Variants in RIMS2 observed in about 807,000 individuals in gnomAD.
RIMS2 encodes the protein regulating synaptic membrane exocytosis protein 2.
In RIMS2, 59 loss-of-function variants were observed where a neutral mutation model predicts 174.4. That is an observed-to-expected ratio of 0.34 (90% CI 0.27 to 0.42). The LOEUF (loss-of-function observed/expected upper bound fraction) is 0.42, where lower values mean the gene tolerates loss of function less well. Among genes scored for constraint, RIMS2 ranks in the 10% least tolerant of loss-of-function variants. RIMS2 has a pLI of 1.00. For missense variants in RIMS2, 1,620 were observed against 1,666.3 expected (o/e 0.97, Z 0.48); for synonymous variants, 606 against 572.5 (o/e 1.06, Z -0.84).
intron 2 of RIMS2, among the ~76,000 whole-genome samples, chr8:103,718,686 A>G (rs1378739898): frequency 3.3e-5 from 5 of 150,310 alleles, no homozygotes; most frequent in African/African-American, 1.2e-4. Context: ...GTGGGGAGGG[A>G]GGAGTCTCAC....
chr8:103,529,888 G>T (rs1836171878), intron 1 of RIMS2, among the ~76,000 whole-genome samples: 1 of 152,002 alleles, frequency 6.6e-6, no homozygotes, highest in African/African-American at 2.4e-5. Context: ...AAAATATTTT[G>T]ATCTGTGGTT....
chr8:104,000,622 A>G (rs984702723), intron 17 of RIMS2, among the ~76,000 whole-genome samples: 11 of 151,828 alleles, frequency 7.2e-5, no homozygotes, highest in Non-Finnish European at 1.2e-4. Context: ...TTAGATTTTT[A>G]GGAACCTCCA....
chr8:103,562,352 C>T (rs1382704970), intron 1 of RIMS2, among the ~76,000 whole-genome samples: 7 of 152,182 alleles, frequency 4.6e-5, no homozygotes, highest in African/African-American at 1.7e-4. Context: ...TACAGCTGTT[C>T]CAAATGGGAG....
chr8:103,937,052 C>A (rs1045752380), intron 13 of RIMS2, among the ~76,000 whole-genome samples: 2 of 151,442 alleles, frequency 1.3e-5, no homozygotes, highest in African/African-American at 2.4e-5. Flanking sequence ...GAGCCGAGAT[C>A]GCGCCACTGC....
rs113560775 is a variant in RIMS2 at position 104,152,027 on chromosome 8, G to A, written c.3335-92889G>A. On this transcript the variant is annotated intron_variant, in intron 19 of 23. Coordinates refer to ENST00000504942, the Ensembl canonical transcript of RIMS2. ...TCAATTTCATGTCTTTACATGTTTGGCACAACTGTCCCATATATCTTTCTT... is the reference window on the plus strand; with the variant it reads ...TCAATTTCATGTCTTTACATGTTTGACACAACTGTCCCATATATCTTTCTT... 4.6e-3 allele frequency among the ~76,000 whole-genome samples: 705 copies of A among 152,184 alleles called. 6 individuals are homozygous for A. The highest frequency in any genetic ancestry group is 0.015 in the African/African-American group (634 of 41,552).
intron 1 of RIMS2, among the ~76,000 whole-genome samples, chr8:103,587,745 G>A (rs1440103134): frequency 6.6e-6 from 1 of 151,940 alleles, no homozygotes; most frequent in Non-Finnish European, 1.5e-5. Flanking sequence ...AACTGGGGAT[G>A]GAAGGAGCAT....
chr8:103,970,347 C>T (rs1022790721), intron 15 of RIMS2, among the ~76,000 whole-genome samples: 9 of 152,134 alleles, frequency 5.9e-5, no homozygotes, highest in Non-Finnish European at 1.3e-4. Context: ...TTTCCCTTCT[C>T]CCAGATTGGT....
chr8:104,111,898 ACT>A (rs1247014333), intron 19 of RIMS2, among the ~76,000 whole-genome samples: 1 of 151,340 alleles, frequency 6.6e-6, no homozygotes, highest in African/African-American at 2.4e-5. Flanking sequence ...TGCTTAGAAG[ACT>A]CTCTCCCAGT....
At chr8:103,535,732 G>A (rs1014030274) in intron 1 of RIMS2, among the ~76,000 whole-genome samples, 2 of 152,192 alleles carry the variant, frequency 1.3e-5, no homozygotes, top group Non-Finnish European at 1.5e-5. Flanking sequence ...GATAAGTAGA[G>A]CTCAACTTTA....
intron 19 of RIMS2, among the ~76,000 whole-genome samples, chr8:104,023,720 C>G (rs1474421585): frequency 6.6e-6 from 1 of 152,050 alleles, no homozygotes; most frequent in Non-Finnish European, 1.5e-5. Flanking sequence ...TGGACTGTAG[C>G]TATAAATCTG....
chr8:103,826,145 A>C (rs979874816), intron 3 of RIMS2, among the ~76,000 whole-genome samples: 5 of 152,146 alleles, frequency 3.3e-5, no homozygotes, highest in African/African-American at 1.2e-4. Flanking sequence ...TTATATATAT[A>C]AAATGTATGT....
intron 1 of RIMS2, among the ~76,000 whole-genome samples, chr8:103,632,670 C>T (rs2095961118): frequency 6.6e-6 from 1 of 150,822 alleles, no homozygotes; most frequent in African/African-American, 2.4e-5. Context: ...ACCTGCCCAC[C>T]TTGGCCTCCC....
chr8:103,730,189 G>C (rs1304685707), intron 2 of RIMS2, among the ~76,000 whole-genome samples: 1 of 152,034 alleles, frequency 6.6e-6, no homozygotes, highest in Non-Finnish European at 1.5e-5. Flanking sequence ...TGGGTGGTGG[G>C]GGGTTTAAGT....
chr8:104,143,220 A>G (rs958043646), intron 19 of RIMS2, among the ~76,000 whole-genome samples: 9 of 152,210 alleles, frequency 5.9e-5, no homozygotes, highest in Admixed American at 2.0e-4. Context: ...TTACTACTTT[A>G]CTAGCCTAAA....
chr8:103,575,279 G>A (rs899188351), intron 1 of RIMS2, among the ~76,000 whole-genome samples: 1 of 152,168 alleles, frequency 6.6e-6, no homozygotes, highest in East Asian at 1.9e-4. Context: ...TTAAAAAAGA[G>A]ACAATAGTAG....
intron 14 of RIMS2, among the ~76,000 whole-genome samples, chr8:103,945,165 TC>T (rs2083419881): frequency 1.3e-5 from 2 of 151,966 alleles, no homozygotes; most frequent in Non-Finnish European, 2.9e-5. Context: ...AGTGTGTAAT[TC>T]CCCTTTGGGG....
chr8:104,172,983 T>C (rs552663868), intron 19 of RIMS2, among the ~76,000 whole-genome samples: 89 of 152,320 alleles, frequency 5.8e-4, no homozygotes, highest in African/African-American at 2.1e-3. Flanking sequence ...GCTCCATTGT[T>C]GTGAAAGAGT....
chr8:103,782,042 G>A (rs78157453), intron 3 of RIMS2, among the ~76,000 whole-genome samples: 1 of 150,862 alleles, frequency 6.6e-6, no homozygotes, highest in African/African-American at 2.4e-5. Context: ...GCCACCACAC[G>A]TGGCCTTATC....
intron 3 of RIMS2, among the ~76,000 whole-genome samples, chr8:103,789,885 TGGGACTACAA>T (rs961395171): frequency 1.1e-4 from 16 of 151,298 alleles, no homozygotes; most frequent in African/African-American, 3.9e-4. Context: ...CCCAAATAGC[TGGGACTACAA>T]GTGTGTGCTA....
Sources: allele counts gnomAD v4.1 joint callset (sites outside exome capture counted in the v4.1 genomes callset), GRCh38; gene constraint gnomAD v4.1.1; transcripts MANE v1.5; gene names NCBI Gene and HGNC (gene_info 2026-07-23, HGNC 2026-07-21).